FARP2: variants seen among roughly 807,000 people sequenced by gnomAD.
FARP2 encodes FERM, ARH/RhoGEF and pleckstrin domain protein 2.
Under a neutral mutation model 130.5 loss-of-function variants are expected in FARP2, and 111 were observed. That is an observed-to-expected ratio of 0.85 (90% confidence interval 0.73 to 1.00). The LOEUF is 1.00. Among genes scored for constraint, FARP2 ranks in the 50% least tolerant of loss-of-function variants. The probability of loss-of-function intolerance (pLI) is 0.00; values close to 1 mark genes in which losing one functional copy is unlikely to be tolerated. For missense variants in FARP2, 1,385 were observed against 1,346.3 expected (o/e 1.03, Z -0.45); for synonymous variants, 504 against 516.9 (o/e 0.98, Z 0.34).
chr2:241,434,343 G>A (rs373545479), intron 10 of FARP2, 22 bp downstream of exon 10: 4 of 1,559,504 alleles, frequency 2.6e-6, no homozygotes, highest in Middle Eastern at 3.4e-4. Context: ...GCCGTGGCTT[G>A]CATGGGCCCC....
chr2:241,421,638 C>T (rs985982827), intron 8 of FARP2, among the ~76,000 whole-genome samples: 5 of 152,208 alleles, frequency 3.3e-5, no homozygotes, highest in African/African-American at 7.2e-5. Flanking sequence ...TTAAGTGGGC[C>T]CCTGACCCTG....
At chr2:241,469,649 A>G (rs776028058) in intron 18 of FARP2, among the ~76,000 whole-genome samples, 20 of 152,194 alleles carry the variant, frequency 1.3e-4, no homozygotes, top group Non-Finnish European at 2.1e-4. Context: ...TAACCACACC[A>G]TGTTTAAAAT....
intron 12 of FARP2, 136 bp downstream of exon 12, chr2:241,436,674 G>A: frequency 2.6e-6 from 2 of 783,982 alleles, no homozygotes; most frequent in African/African-American, 1.7e-5. Flanking sequence ...CTGGGACTCT[G>A]TTTTCAGAAA....
intron 2 of FARP2, among the ~76,000 whole-genome samples, chr2:241,396,353 G>A (rs1341391892): frequency 6.6e-6 from 1 of 152,040 alleles, no homozygotes; most frequent in Non-Finnish European, 1.5e-5. Context: ...TTAAACTAAA[G>A]AGCTTCTGCA....
At chr2:241,383,975 G>A (rs983085443) in intron 2 of FARP2, among the ~76,000 whole-genome samples, 6 of 151,986 alleles carry the variant, frequency 3.9e-5, no homozygotes, top group African/African-American at 7.3e-5. Context: ...GATGCAAGGC[G>A]GCCATTGCTG....
rs149768246 is a variant in FARP2 at position 241,493,319 on chromosome 2, G to A, written c.2922G>A (p.Pro974=). Residue 974 remains proline (P), a synonymous_variant, in exon 26 of 27, where the codon CCG becomes CCA. Coordinates refer to ENST00000264042, the MANE Select transcript of FARP2 (RefSeq NM_014808.4). The part of the protein sequence containing the change: ...HQDDYPLASL[P]LLGYSVSIPR... ...ATGACTACCCACTGGCCAGCCTCCC[G>A]CTGCTGGGCTACAGCGTGAGCATCC... is the stretch of plus-strand genomic sequence containing the variant. 5.0e-5 allele frequency: 80 copies of A among 1,613,898 alleles called. 1 individual carries two copies. The African/African-American group carries it at 7.7e-4, about 16-fold the overall frequency.
chr2:241,398,932 G>C, intron 2 of FARP2, among the ~76,000 whole-genome samples: 1 of 152,150 alleles, frequency 6.6e-6, no homozygotes, highest in Admixed American at 6.5e-5. Flanking sequence ...TTATACCCCG[G>C]ACTGGAATTG....
rs994510468 is a variant in FARP2 at position 241,466,695 on chromosome 2, C to G, written c.1894-1445C>G. 6.8e-3 allele frequency: 4,603 copies of G among 678,020 alleles called. 84 individuals carry two copies. Among genetic ancestry groups the G allele is most frequent in the Non-Finnish European group, 7.7e-3 (4,258 of 550,812 alleles). 42.0% of individuals were successfully genotyped at this position (678,020 alleles called of 1,614,324 possible). On this transcript the variant is annotated intron_variant, in intron 17 of 26. Transcript: ENST00000264042. ...CTTCACTCCCCTTCCAACCACCCCC[C>G]CCCCCACCACCACCACCCGTACCCT...
intron 2 of FARP2, among the ~76,000 whole-genome samples, chr2:241,399,395 C>G (rs909838160): frequency 6.6e-6 from 1 of 152,180 alleles, no homozygotes; most frequent in African/African-American, 2.4e-5. Context: ...AACCTCCACT[C>G]CCAGGTTCAA....
intron 21 of FARP2, among the ~76,000 whole-genome samples, chr2:241,484,639 A>G (rs896434883): frequency 1.1e-4 from 17 of 152,228 alleles, no homozygotes; most frequent in Non-Finnish European, 1.9e-4. Context: ...CCGCAAGCTT[A>G]GAGTCAGCCT....
intron 18 of FARP2, among the ~76,000 whole-genome samples, chr2:241,472,457 C>T (rs1313802756): frequency 6.7e-6 from 1 of 150,336 alleles, no homozygotes; most frequent in Non-Finnish European, 1.5e-5. Flanking sequence ...CTGTGGGGAC[C>T]CTGTTCTGAG....
rs1029849575 is a variant in FARP2 at position 241,494,214 on chromosome 2, A to T, written c.*89A>T. 6.5e-6 allele frequency: 5 copies of T among 772,310 alleles called. No individual in the cohort carries two copies. Among genetic ancestry groups the T allele is most frequent in the Non-Finnish European group, 9.7e-6 (5 of 513,526 alleles). 47.8% of individuals were successfully genotyped at this position (772,310 alleles called of 1,614,324 possible). A position where few individuals can be genotyped will look rare whatever the true frequency, so the allele number is the denominator to read the frequency against. The stretch of plus-strand genomic sequence containing the variant: ...TCCTGAGGCTTCTCAACAGATGGGA[A>T]GTGGCTGTGGTCTCACTGGATCCCC... On this transcript the variant is annotated 3_prime_UTR_variant, in exon 27 of 27. Coordinates refer to ENST00000264042, the MANE Select transcript of FARP2 (RefSeq NM_014808.4). This position sits in a 1 kb window ranked among gnomAD's most constrained non-coding sequence, Gnocchi z 4.9.
chr2:241,437,061 ACT>A (rs1424021145), intron 12 of FARP2, among the ~76,000 whole-genome samples: 1 of 151,750 alleles, frequency 6.6e-6, no homozygotes, highest in African/African-American at 2.4e-5. Flanking sequence ...AATCCTGACA[ACT>A]CTCATCTGTG....
intron 2 of FARP2, among the ~76,000 whole-genome samples, chr2:241,377,676 T>TA (rs891811061): frequency 1.3e-5 from 2 of 152,220 alleles, no homozygotes; most frequent in African/African-American, 4.8e-5. Context: ...CTAGATTACT[T>TA]ATAATACCTC....
chr2:241,383,072 A>G (rs1319888472), intron 2 of FARP2, among the ~76,000 whole-genome samples: 2 of 152,256 alleles, frequency 1.3e-5, no homozygotes, highest in African/African-American at 2.4e-5. Context: ...AAAGCCACAC[A>G]GATGGGATGT....
intron 2 of FARP2, among the ~76,000 whole-genome samples, chr2:241,375,450 T>A (rs1390566792): frequency 6.6e-6 from 1 of 152,032 alleles, no homozygotes; most frequent in Non-Finnish European, 1.5e-5. Flanking sequence ...CAACTAAAAC[T>A]AGGACCCAGA....
At chr2:241,364,901 T>C (rs1447851802) in intron 1 of FARP2, among the ~76,000 whole-genome samples, 2 of 152,254 alleles carry the variant, frequency 1.3e-5, no homozygotes, top group Non-Finnish European at 2.9e-5. Flanking sequence ...TATAGTCTTA[T>C]GTTTTTTAGT....
Position 241,476,114 on chromosome 2 carries a change from T to A in FARP2, c.2262+127T>A, listed in dbSNP as rs1574897899. Reference sequence around the variant, plus strand: ...TTGGCCAGGCACAGTGGCTCATACCTGTAATCTGAATACTTTGGGAGGCTG... The same window carrying A: ...TTGGCCAGGCACAGTGGCTCATACCAGTAATCTGAATACTTTGGGAGGCTG... On this transcript the variant is annotated intron_variant, in intron 19 of 26. Transcript: ENST00000264042. 6.6e-6 allele frequency: 5 copies of A among 761,490 alleles called. No homozygotes were observed. In the East Asian group the frequency reaches 1.5e-4, roughly 23 times the overall value. The allele number at this position is 761,490 out of a possible 1,614,324, so 47.2% of individuals were successfully genotyped here.
chr2:241,457,402 G>A (rs73006363), intron 14 of FARP2, among the ~76,000 whole-genome samples: 282 of 103,420 alleles, frequency 2.7e-3, no homozygotes, highest in African/African-American at 8.3e-3. Flanking sequence ...TTTGGGTTCC[G>A]GAGAGGCTCT....
Sources: allele counts gnomAD v4.1 joint callset (sites outside exome capture counted in the v4.1 genomes callset), GRCh38; gene constraint gnomAD v4.1.1; non-coding constraint Gnocchi (gnomAD v3.1); transcripts MANE v1.5; gene names NCBI Gene and HGNC (gene_info 2026-07-23, HGNC 2026-07-21).